TMEM132C: variants seen among roughly 807,000 people sequenced by gnomAD.
The protein encoded by TMEM132C is protein phosphatase 1, regulatory subunit 152.
TMEM132C carries 29 observed loss-of-function variants against 61.4 expected under a neutral mutation model. That is an observed-to-expected ratio of 0.47 (90% CI 0.35 to 0.64). The LOEUF (loss-of-function observed/expected upper bound fraction) is 0.64, where lower values mean the gene tolerates loss of function less well. Ranked by LOEUF, TMEM132C falls within the 30% of genes least tolerant of loss-of-function variation. The pLI, the probability that TMEM132C is intolerant of heterozygous loss-of-function variation, is 0.00. For missense variants in TMEM132C, 1,408 were observed against 1,476.9 expected (o/e 0.95, Z 0.76); for synonymous variants, 656 against 633.1 (o/e 1.04, Z -0.54).
intron 2 of TMEM132C, among the ~76,000 whole-genome samples, chr12:128,428,340 C>A (rs1287676265): frequency 6.6e-6 from 1 of 152,140 alleles, no homozygotes; most frequent in African/African-American, 2.4e-5. Flanking sequence ...CAACTCCATT[C>A]GCCCACATTG....
At position 128,341,554 on chromosome 12, in the gene TMEM132C, G is replaced by A. The variant is rs112906807; in HGVS notation, c.86-73178G>A. On this transcript the variant is annotated intron_variant, in intron 1 of 8. Coordinates refer to ENST00000435159, the MANE Select transcript of TMEM132C (RefSeq NM_001136103.3). The stretch of plus-strand genomic sequence containing the variant: ...AGTTTATCGGAAAAAAATATATTAC[G>A]CAAGCTCTCCTGAAACACAATGGAG... Among the ~76,000 whole-genome samples the A allele has an allele frequency of 3.4e-3, 512 of 152,200 alleles. 6 individuals carry two copies. The highest frequency in any genetic ancestry group is 0.011 in the African/African-American group (476 of 41,518).
intron 3 of TMEM132C, among the ~76,000 whole-genome samples, chr12:128,564,794 A>G (rs1874640341): frequency 6.6e-6 from 1 of 152,214 alleles, no homozygotes; most frequent in Non-Finnish European, 1.5e-5. Context: ...TGCTTGGCCC[A>G]AAATGAGAGC....
chr12:128,405,291 C>T (rs1875302286), intron 1 of TMEM132C, among the ~76,000 whole-genome samples: 2 of 152,132 alleles, frequency 1.3e-5, no homozygotes, highest in African/African-American at 4.8e-5. Context: ...AATCTGCTAC[C>T]TCTGGGCTTC....
At chr12:128,427,395 T>A (rs1021281394) in intron 2 of TMEM132C, among the ~76,000 whole-genome samples, 1 of 63,670 alleles carries the variant, frequency 1.6e-5, no homozygotes, top group Non-Finnish European at 4.0e-5. Context: ...GGGGTGTGTG[T>A]GTGTGTGTGT....
chr12:128,603,153 A>C (rs570344336), intron 3 of TMEM132C, among the ~76,000 whole-genome samples: 1 of 151,960 alleles, frequency 6.6e-6, no homozygotes, highest in East Asian at 1.9e-4. Flanking sequence ...GCACGGAGAG[A>C]GTGAAAAAAG....
intron 4 of TMEM132C, among the ~76,000 whole-genome samples, chr12:128,648,688 G>C (rs1279954120): frequency 6.6e-6 from 1 of 151,726 alleles, no homozygotes; most frequent in African/African-American, 2.4e-5. Context: ...CATCAGCATT[G>C]GATGTGAGTG....
chr12:128,324,488 G>A (rs1005988675), intron 1 of TMEM132C, among the ~76,000 whole-genome samples: 5 of 152,192 alleles, frequency 3.3e-5, no homozygotes, highest in African/African-American at 9.7e-5. Flanking sequence ...GCATAGATGT[G>A]TGTATAGGCT....
At position 128,484,287 on chromosome 12, in the gene TMEM132C, T is replaced by TTTGAAC. The variant is rs1871412921; in HGVS notation, c.975-59666_975-59661dup. Among the ~76,000 whole-genome samples the TTTGAAC allele has an allele frequency of 3.3e-5, 5 of 152,228 alleles. No homozygotes were observed. In the South Asian group the frequency reaches 1.0e-3, roughly 32 times the overall value. On this transcript the variant is annotated intron_variant, in intron 2 of 8. Coordinates refer to ENST00000435159, the MANE Select transcript of TMEM132C (RefSeq NM_001136103.3). ...ATCAGATCACAGAAATGGCCAAGGTTTTGAACTTGGAATGGAGCAGAATGA... is the reference window on the plus strand; with the variant it reads ...ATCAGATCACAGAAATGGCCAAGGTTTTGAACTTGAACTTGGAATGGAGCAGAATGA...
chr12:128,615,705 C>T (rs1876777430), intron 3 of TMEM132C, among the ~76,000 whole-genome samples: 1 of 152,178 alleles, frequency 6.6e-6, no homozygotes, highest in Non-Finnish European at 1.5e-5. Context: ...CGCCACTCAC[C>T]TCCTGCTGTG....
At chr12:128,516,087 G>A (rs748023005) in intron 2 of TMEM132C, among the ~76,000 whole-genome samples, 1 of 152,120 alleles carries the variant, frequency 6.6e-6, no homozygotes, top group Admixed American at 6.5e-5. Flanking sequence ...ACGACAGAAC[G>A]AGGCCTGATG....
chr12:128,581,974 A>C (rs1875352287), intron 3 of TMEM132C, among the ~76,000 whole-genome samples: 1 of 152,192 alleles, frequency 6.6e-6, no homozygotes, highest in South Asian at 2.1e-4. Context: ...TTCCTCAGCA[A>C]ATGCCACACC....
chr12:128,454,830 G>A (rs1017462016), intron 2 of TMEM132C, among the ~76,000 whole-genome samples: 3 of 152,236 alleles, frequency 2.0e-5, no homozygotes, highest in Non-Finnish European at 4.4e-5. Context: ...ACATGCTTGA[G>A]TTCTGATGTC....
intron 1 of TMEM132C, among the ~76,000 whole-genome samples, chr12:128,360,572 G>C (rs1413856437): frequency 1.3e-5 from 2 of 152,138 alleles, no homozygotes; most frequent in Non-Finnish European, 2.9e-5. Context: ...TTGCTCCTTA[G>C]AGTTGAGAGG....
intron 4 of TMEM132C, among the ~76,000 whole-genome samples, chr12:128,622,754 C>T (rs899734532): frequency 6.6e-6 from 1 of 151,890 alleles, no homozygotes; most frequent in African/African-American, 2.4e-5. Flanking sequence ...GGGGAGATCT[C>T]CTTTGACAGG....
Position 128,491,451 on chromosome 12 carries a change from C to T in TMEM132C, c.975-52506C>T, listed in dbSNP as rs545846179. On this transcript the variant is annotated intron_variant, in intron 2 of 8. Coordinates refer to ENST00000435159, the MANE Select transcript of TMEM132C (RefSeq NM_001136103.3). ...AGTGGGCTGCTTGTGCCCAATGGAG[C>T]GAGAGCCAGTCGGAGATTAGTCCCT... Among the ~76,000 whole-genome samples the T allele has an allele frequency of 1.4e-3, 207 of 152,248 alleles. 1 individual carries two copies. The highest frequency in any genetic ancestry group is 4.7e-3 in the African/African-American group (195 of 41,546).
At chr12:128,668,793 T>C (rs1302629768) in intron 4 of TMEM132C, among the ~76,000 whole-genome samples, 1 of 152,180 alleles carries the variant, frequency 6.6e-6, no homozygotes, top group African/African-American at 2.4e-5. Context: ...TGTTCACATC[T>C]CTTGGCTCAT....
At chr12:128,520,173 C>T (rs1353498997) in intron 2 of TMEM132C, among the ~76,000 whole-genome samples, 3 of 152,234 alleles carry the variant, frequency 2.0e-5, no homozygotes, top group African/African-American at 7.2e-5. Flanking sequence ...CTCTCAGAAG[C>T]ACAGATGTCA....
At chr12:128,413,442 G>A (rs1451977734) in intron 1 of TMEM132C, among the ~76,000 whole-genome samples, 1 of 151,552 alleles carries the variant, frequency 6.6e-6, no homozygotes, top group Non-Finnish European at 1.5e-5. Context: ...GTAATGCCAA[G>A]TTCCCTTCCA....
At position 128,584,360 on chromosome 12, in the gene TMEM132C, C is replaced by A. The variant is rs1875461543; in HGVS notation, c.1122-31792C>A. 2.0e-5 allele frequency among the ~76,000 whole-genome samples: 3 copies of A among 152,246 alleles called. 1 individual carries two copies. The South Asian group carries it at 6.2e-4, about 32-fold the overall frequency. ...ATGTCACCTCCTCCAGGAAGCCCCC[C>A]TTCAATTCTGTCAGCTGGTAAAGTT... On this transcript the variant is annotated intron_variant, in intron 3 of 8. Transcript: ENST00000435159.
Sources: gnomAD v4.1 joint callset for allele counts (sites outside exome capture counted in the v4.1 genomes callset) on GRCh38, gnomAD v4.1.1 for gene constraint, MANE v1.5 for transcripts, NCBI Gene and HGNC (gene_info 2026-07-23, HGNC 2026-07-21) for gene names.